The following SLC1A1 variants were observed in gnomAD, a reference collection of about 807,000 sequenced individuals.
SLC1A1 encodes the protein solute carrier family 1 member 1, also known as excitatory amino acid transporter 3.
In SLC1A1, 43 loss-of-function variants were observed where a neutral mutation model predicts 53.3. The ratio of observed to expected loss-of-function variants is 0.81; its 90% confidence interval spans 0.63 to 1.04. The LOEUF is 1.04. Among genes scored for constraint, SLC1A1 ranks in the 50% least tolerant of loss-of-function variants. The pLI, the probability that SLC1A1 is intolerant of heterozygous loss-of-function variation, is 0.00. For synonymous variants in SLC1A1, 307 were observed against 243.2 expected, an observed-to-expected ratio of 1.26 and a Z score of -2.44; for missense variants, 748 against 664.9, an observed-to-expected ratio of 1.12 and a Z score of -1.37.
intron 9 of SLC1A1, 51 bp from the exon 10 acceptor site, chr9:4,576,518 C>G (rs1820559531): frequency 6.7e-7 from 1 of 1,493,946 alleles, no homozygotes; most frequent in Admixed American, 1.7e-5. Context: ...CAGGCAGGGA[C>G]TAAGGTCCAG....
intron 1 of SLC1A1, among the ~76,000 whole-genome samples, chr9:4,528,678 G>C: frequency 6.6e-6 from 1 of 152,146 alleles, no homozygotes; most frequent in South Asian, 2.1e-4. Context: ...AGGATCTAAG[G>C]TATAAAGAGA....
chr9:4,561,675 T>C, intron 3 of SLC1A1, 134 bp downstream of exon 3: 1 of 735,742 alleles, frequency 1.4e-6, no homozygotes. Flanking sequence ...GCAGATCCCT[T>C]GAGGTCAGGG....
At chr9:4,490,821 G>T in intron 1 of SLC1A1, 51 bp downstream of exon 1, 1 of 1,488,086 alleles carries the variant, frequency 6.7e-7, no homozygotes, top group Non-Finnish European at 9.3e-7. Context: ...CGCTCTCTGC[G>T]CCCAGGCCGC....
chr9:4,558,864 G>A (rs758942702), intron 2 of SLC1A1, among the ~76,000 whole-genome samples: 1 of 151,990 alleles, frequency 6.6e-6, no homozygotes, highest in Non-Finnish European at 1.5e-5. Context: ...CCCATATTAG[G>A]GCTACAGATG....
At chr9:4,504,610 G>A (rs1398565648) in intron 1 of SLC1A1, among the ~76,000 whole-genome samples, 2 of 152,226 alleles carry the variant, frequency 1.3e-5, no homozygotes, top group African/African-American at 2.4e-5. Context: ...GGTTTCACCA[G>A]ACTGAAGAGA....
chr9:4,539,536 C>T (rs998286028), intron 1 of SLC1A1, among the ~76,000 whole-genome samples: 1 of 151,926 alleles, frequency 6.6e-6, no homozygotes, highest in Non-Finnish European at 1.5e-5. Context: ...TGGGTGTTTT[C>T]CTCCCATGTT....
chr9:4,510,257 C>G (rs1365041720), intron 1 of SLC1A1, among the ~76,000 whole-genome samples: 2 of 152,226 alleles, frequency 1.3e-5, no homozygotes, highest in Non-Finnish European at 2.9e-5. Flanking sequence ...GCTGTTCACA[C>G]AAGCCTAGCC....
intron 1 of SLC1A1, among the ~76,000 whole-genome samples, chr9:4,544,231 G>A (rs996154267): frequency 7.2e-5 from 11 of 152,120 alleles, no homozygotes; most frequent in African/African-American, 2.7e-4. Context: ...GGTGGTGTGT[G>A]AATGCAAAAG....
intron 1 of SLC1A1, among the ~76,000 whole-genome samples, chr9:4,531,985 A>C (rs1464943480): frequency 6.6e-6 from 1 of 152,234 alleles, no homozygotes; most frequent in African/African-American, 2.4e-5. Flanking sequence ...ACAGACCTGC[A>C]GCTGAGGGTC....
At chr9:4,572,522 TA>T (rs1820153790) in intron 7 of SLC1A1, 134 bp downstream of exon 7, 1 of 830,856 alleles carries the variant, frequency 1.2e-6, no homozygotes, top group African/African-American at 1.7e-5. Flanking sequence ...ACCACCAGAG[TA>T]TTTTGTGGGG....
intron 1 of SLC1A1, among the ~76,000 whole-genome samples, chr9:4,529,032 C>A (rs377158983): frequency 1.3e-5 from 2 of 152,146 alleles, no homozygotes; most frequent in Non-Finnish European, 2.9e-5. Context: ...TCTCTACTGC[C>A]TTCCACCTTC....
At chr9:4,576,814 C>A in intron 10 of SLC1A1, 51 bp downstream of exon 10, 1 of 1,532,352 alleles carries the variant, frequency 6.5e-7, no homozygotes, top group Non-Finnish European at 9.0e-7. Context: ...GGATTACCGC[C>A]AGTAAAAATT....
intron 1 of SLC1A1, among the ~76,000 whole-genome samples, chr9:4,514,002 G>A (rs1821080223): frequency 6.6e-6 from 1 of 152,186 alleles, no homozygotes; most frequent in African/African-American, 2.4e-5. Flanking sequence ...CCATAGTGGT[G>A]GAAAACAGAC....
rs191806477 is a variant in SLC1A1, at chr9:4,572,551, T to C, written c.767+163T>C. Among the ~76,000 whole-genome samples, 23 of 152,288 alleles carry C rather than the reference T, an allele frequency of 1.5e-4. 1 individual carries two copies. The highest frequency in any genetic ancestry group is 1.1e-3 in the Admixed American group (17 of 15,300). On this transcript the variant is annotated intron_variant, in intron 7 of 11. Coordinates refer to ENST00000262352, the MANE Select transcript of SLC1A1 (RefSeq NM_004170.6). ...TTGTGGGGGCTTTTGTTGCTGTTCT[T>C]TGTTTTTGTTTTAGAGGCAGAGTCT... is the stretch of plus-strand genomic sequence containing the variant.
In SLC1A1 at chr9:4,585,646, A is replaced by C; in HGVS notation, c.*88A>C. ...CTGCTTAAGGAAAAGAGAAACACTA[A>C]TGGCCAAGTGTACATTTGATTTGAT... is the stretch of plus-strand genomic sequence containing the variant. On this transcript the variant is annotated 3_prime_UTR_variant, in exon 12 of 12. Transcript: ENST00000262352. The C allele has an allele frequency of 6.8e-7, 1 of 1,467,066 alleles. No individual in the cohort carries two copies. The highest frequency in any genetic ancestry group is 9.5e-7 in the Non-Finnish European group (1 of 1,049,598). The allele number at this position is 1,467,066 out of a possible 1,614,324, so 90.9% of individuals were successfully genotyped here. A position where few individuals can be genotyped will look rare whatever the true frequency, so the allele number is the denominator to read the frequency against.
intron 10 of SLC1A1, among the ~76,000 whole-genome samples, chr9:4,577,069 G>A (rs1820617628): frequency 6.6e-6 from 1 of 152,132 alleles, no homozygotes; most frequent in South Asian, 2.1e-4. Context: ...CTGCTAGATG[G>A]GCATGCACAT....
intron 2 of SLC1A1, among the ~76,000 whole-genome samples, chr9:4,547,287 C>T (rs1817571574): frequency 6.6e-6 from 1 of 152,220 alleles, no homozygotes; most frequent in Non-Finnish European, 1.5e-5. Flanking sequence ...ATTCCACTGA[C>T]ATAGCCCAGC....
rs562090150 is a variant in SLC1A1 at position 4,533,839 on chromosome 9, C to T, written c.92-10728C>T. Among the ~76,000 whole-genome samples, 104 of 152,256 alleles carry T rather than the reference C, an allele frequency of 6.8e-4. 1 individual carries two copies. Among genetic ancestry groups the T allele is most frequent in the Middle Eastern group, 3.4e-3 (1 of 294 alleles). Reference sequence around the variant, plus strand: ...GCACTCCTCAGCAAATGTAAAAGAACAGAAATTATAACAAACTGTCTCTCA... The same window carrying T: ...GCACTCCTCAGCAAATGTAAAAGAATAGAAATTATAACAAACTGTCTCTCA... On this transcript the variant is annotated intron_variant, in intron 1 of 11. Transcript: ENST00000262352.
intron 2 of SLC1A1, among the ~76,000 whole-genome samples, chr9:4,545,622 C>G (rs910953714): frequency 1.3e-5 from 2 of 152,192 alleles, no homozygotes; most frequent in African/African-American, 2.4e-5. Flanking sequence ...TGTGTCTGCC[C>G]TGCATATTTG....
Sources: gnomAD v4.1 joint callset for allele counts (sites outside exome capture counted in the v4.1 genomes callset) on GRCh38, gnomAD v4.1.1 for gene constraint, MANE v1.5 for transcripts, NCBI Gene and HGNC (gene_info 2026-07-23, HGNC 2026-07-21) for gene names.